Variants in THEMIS observed in about 807,000 individuals in gnomAD.
THEMIS encodes the protein protein THEMIS.
In THEMIS, 37 loss-of-function variants were observed where a neutral mutation model predicts 52.6. The ratio of observed to expected loss-of-function variants is 0.70; its 90% confidence interval spans 0.54 to 0.93. THEMIS has a LOEUF of 0.93. Among genes scored for constraint, THEMIS ranks in the 40% least tolerant of loss-of-function variants. The pLI, the probability that THEMIS is intolerant of heterozygous loss-of-function variation, is 0.00. For synonymous variants in THEMIS, 292 were observed against 272.7 expected (o/e 1.07, Z -0.70); for missense variants, 808 against 763.1 (o/e 1.06, Z -0.69).
chr6:127,703,045 T>G, the THEMIS span, among the ~76,000 whole-genome samples: 4 of 109,618 alleles, frequency 3.6e-5, no homozygotes, highest in Non-Finnish European at 7.9e-5. Flanking sequence ...GTTTTTTTTT[T>G]TTTTTTTTTT....
In THEMIS at chr6:127,709,917, A is replaced by G; in HGVS notation, c.*68T>C. On this transcript the variant is annotated 3_prime_UTR_variant, in exon 6 of 6. Coordinates refer to ENST00000368248, the MANE Select transcript of THEMIS (RefSeq NM_001010923.3). Reference sequence around the variant, plus strand: ...ATTGGGGAATACTCGTTTTTCAGCTAGAAGGCTAGCTTCTTTTTTCACTGC... The same window carrying G: ...ATTGGGGAATACTCGTTTTTCAGCTGGAAGGCTAGCTTCTTTTTTCACTGC... 31 of 1,433,566 alleles carry G rather than the reference A, an allele frequency of 2.2e-5. No individual in the cohort carries two copies. Among genetic ancestry groups the G allele is most frequent in the Non-Finnish European group, 2.8e-5 (29 of 1,040,590 alleles). 88.8% of individuals were successfully genotyped at this position (1,433,566 alleles called of 1,614,324 possible). A position where few individuals can be genotyped will look rare whatever the true frequency, so the allele number is the denominator to read the frequency against.
chr6:127,736,830 A>T, intron 4 of THEMIS, among the ~76,000 whole-genome samples: 1 of 149,792 alleles, frequency 6.7e-6, no homozygotes, highest in Non-Finnish European at 1.5e-5. Context: ...CTATGACATA[A>T]GTAAAGGAAA....
chr6:127,890,014 G>T (rs1330557667), intron 1 of THEMIS, among the ~76,000 whole-genome samples: 2 of 152,006 alleles, frequency 1.3e-5, no homozygotes, highest in African/African-American at 4.8e-5. Context: ...GCGTACAACT[G>T]CTATCTAATG....
intron 4 of THEMIS, among the ~76,000 whole-genome samples, chr6:127,791,526 A>C (rs373396319): frequency 5.8e-4 from 89 of 152,304 alleles, no homozygotes; most frequent in African/African-American, 2.0e-3. Flanking sequence ...CCCCAGAGCA[A>C]GCTCCATTAA....
rs759733151 is a variant in THEMIS at position 127,813,630 on chromosome 6, G to C, written c.1011C>G (p.Ser337Arg). 2 of 1,614,112 alleles carry C rather than the reference G, an allele frequency of 1.2e-6. No individual in the cohort carries two copies. Among genetic ancestry groups the C allele is most frequent in the Admixed American group, 3.3e-5 (2 of 60,000 alleles). Residue 337 changes from serine (S) to arginine (R), a missense_variant, in exon 4 of 6, where the codon AGC becomes AGG. By Grantham distance (110) the Ser-to-Arg change is moderately radical. Transcript: ENST00000368248. ...FPKRHFLIPT[S>R]YKGKFKRRPR... ...GTCGCCGCTTGAACTTGCCTTTATA[G>C]CTAGTGGGGATCAAGAAGTGTCTTT...
intron 1 of THEMIS, among the ~76,000 whole-genome samples, chr6:127,899,528 T>C (rs1781070557): frequency 6.6e-6 from 1 of 151,944 alleles, no homozygotes. Context: ...TAGCAAATGG[T>C]ACCTGGAAAT....
intron 1 of THEMIS, among the ~76,000 whole-genome samples, chr6:127,872,166 T>A (rs1367993132): frequency 1.3e-5 from 2 of 152,152 alleles, no homozygotes; most frequent in Non-Finnish European, 2.9e-5. Flanking sequence ...AAGCAATCAA[T>A]GTAATCTACT....
At chr6:127,900,751 T>A in intron 1 of THEMIS, 91 bp downstream of exon 1, 1 of 1,062,974 alleles carries the variant, frequency 9.4e-7, no homozygotes, top group Non-Finnish European at 1.5e-6. Flanking sequence ...AGAACTCACA[T>A]ATTTGCTGTT....
At chr6:127,843,988 C>A (rs969826164) in intron 2 of THEMIS, among the ~76,000 whole-genome samples, 5 of 152,028 alleles carry the variant, frequency 3.3e-5, no homozygotes, top group Admixed American at 6.6e-5. Context: ...AGAACTATAG[C>A]ATCTAAAGCA....
chr6:127,824,847 C>A (rs1251817207), intron 3 of THEMIS, among the ~76,000 whole-genome samples: 2 of 152,074 alleles, frequency 1.3e-5, no homozygotes, highest in East Asian at 3.9e-4. Context: ...ATGGCGTGAA[C>A]CCAGGAGGCG....
intron 4 of THEMIS, among the ~76,000 whole-genome samples, chr6:127,765,937 T>C: frequency 6.6e-6 from 1 of 152,128 alleles, no homozygotes; most frequent in South Asian, 2.1e-4. Flanking sequence ...AGTTGATCAA[T>C]ACAACATTCC....
chr6:127,714,211 G>A (rs1025183373), intron 5 of THEMIS, among the ~76,000 whole-genome samples: 1 of 151,784 alleles, frequency 6.6e-6, no homozygotes, highest in African/African-American at 2.4e-5. Flanking sequence ...ACACATCCCC[G>A]TGGTATACCT....
chr6:127,867,597 C>T (rs908521748), intron 1 of THEMIS, among the ~76,000 whole-genome samples: 2 of 151,936 alleles, frequency 1.3e-5, no homozygotes, highest in Admixed American at 6.6e-5. Flanking sequence ...ACCTATTGGC[C>T]CAAACTTAAT....
chr6:127,779,033 C>G (rs1489650612), intron 4 of THEMIS, among the ~76,000 whole-genome samples: 4 of 152,028 alleles, frequency 2.6e-5, no homozygotes, highest in Non-Finnish European at 4.4e-5. Context: ...CATTATCTCT[C>G]TCCTGAGAAA....
the THEMIS span, among the ~76,000 whole-genome samples, chr6:127,701,613 CCAAA>C: frequency 1.3e-5 from 2 of 152,076 alleles, no homozygotes; most frequent in Non-Finnish European, 1.5e-5. Flanking sequence ...GGAGACAGTG[CCAAA>C]CAGTTTTCCA....
Position 127,813,190 on chromosome 6 carries a change from T to C in THEMIS, c.1451A>G (p.Asp484Gly), listed in dbSNP as rs768217039. The change falls in exon 4 of 6, where the codon GAC becomes GGC. Residue 484 changes from aspartate to glycine, a missense_variant. Physicochemically the swap from Asp to Gly is moderately conservative, Grantham distance 94. Transcript: ENST00000368248. ...TATGAGTAGGTAAGAGTCTGTAATG[T>C]CCTCCTCCAACTGCAGTCCTGGTGT... ...AATPGLQLEE[D>G]ITDSYLLISD... is the part of the protein sequence containing the mutation. 30 of 1,613,964 alleles carry C rather than the reference T, an allele frequency of 1.9e-5. No individual in the cohort carries two copies. Among genetic ancestry groups the C allele is most frequent in the South Asian group, 1.1e-4 (10 of 91,062 alleles).
chr6:127,727,936 C>T (rs1419732089), intron 4 of THEMIS, among the ~76,000 whole-genome samples: 2 of 152,044 alleles, frequency 1.3e-5, no homozygotes, highest in Non-Finnish European at 2.9e-5. Context: ...TATTTCTGAT[C>T]CCTCTTTTAA....
At chr6:127,880,251 G>A (rs79385097) in intron 1 of THEMIS, among the ~76,000 whole-genome samples, 1,672 of 152,172 alleles carry the variant, frequency 0.011, 19 homozygotes, top group Non-Finnish European at 0.017. Flanking sequence ...AAGTTAAAAG[G>A]AGGATGGAAG....
the THEMIS span, among the ~76,000 whole-genome samples, chr6:127,698,720 C>T: frequency 6.6e-6 from 1 of 151,810 alleles, no homozygotes; most frequent in Non-Finnish European, 1.5e-5. Context: ...AAAGATACAA[C>T]AAAATTCCTA....
Sources: allele counts gnomAD v4.1 joint callset (sites outside exome capture counted in the v4.1 genomes callset), GRCh38; gene constraint gnomAD v4.1.1; transcripts MANE v1.5; gene names NCBI Gene and HGNC (gene_info 2026-07-23, HGNC 2026-07-21).